The following RBKS variants were observed in gnomAD, a reference collection of about 807,000 sequenced individuals.
RBKS encodes ribokinase.
A neutral mutation model predicts 33.9 loss-of-function variants in RBKS; 33 were observed. The ratio of observed to expected loss-of-function variants is 0.97; its 90% CI spans 0.74 to 1.30. RBKS has a LOEUF of 1.30. Ranked by LOEUF, RBKS falls within the 50% of genes most tolerant of loss-of-function variation. The pLI is 0.00. For missense variants in RBKS, 361 were observed against 392.6 expected, an observed-to-expected ratio of 0.92 and a Z score of 0.68; for synonymous variants, 125 against 143.0, an observed-to-expected ratio of 0.87 and a Z score of 0.90.
Position 27,809,677 on chromosome 2 carries a change from C to T in RBKS, c.795+17890G>A, listed in dbSNP as rs150727976. On this transcript the variant is annotated intron_variant, in intron 7 of 7. Coordinates refer to ENST00000302188, the MANE Select transcript of RBKS (RefSeq NM_022128.3). ...AGGACTTAGTATCTTACAAAAGACT[C>T]GCTAAAATATTTTCTGCTAAATGTT... 575 of 313,096 alleles carry T rather than the reference C, an allele frequency of 1.8e-3. 2 individuals carry two copies. The highest frequency in any genetic ancestry group is 0.012 in the African/African-American group (531 of 45,982). 19.4% of individuals were successfully genotyped at this position (313,096 alleles called of 1,614,324 possible).
chr2:27,819,946 A>C (rs904602997), intron 7 of RBKS, among the ~76,000 whole-genome samples: 2 of 152,224 alleles, frequency 1.3e-5, no homozygotes, highest in African/African-American at 4.8e-5. Flanking sequence ...CCTCAATAGG[A>C]AGGTAATGGA....
At position 27,837,131 on chromosome 2, in the gene RBKS, G is replaced by A. The variant is rs190378666; in HGVS notation, c.515-4354C>T. On this transcript the variant is annotated intron_variant, in intron 5 of 7. Transcript: ENST00000302188. This position sits in a 1 kb window ranked among gnomAD's most constrained non-coding sequence, Gnocchi z 4.0. ...TACTAAAAATACAAAAATATTAGCC[G>A]GGCATGGTGGCAGGTGCCTGTAGTC... 0.012 allele frequency among the ~76,000 whole-genome samples: 1,873 copies of A among 152,004 alleles called. 70 individuals are homozygous for A. The highest frequency in any genetic ancestry group is 0.043 in the African/African-American group (1,770 of 41,336).
intron 1 of RBKS, chr2:27,861,670 G>GGGGGC (rs1558553256): frequency 2.3e-6 from 1 of 427,680 alleles, no homozygotes; most frequent in African/African-American, 2.1e-5. Flanking sequence ...TTTTGGGGGG[G>GGGGGC]GGGTGGAGTC....
rs186528406 is a variant in RBKS at position 27,785,692 on chromosome 2, A to T, written c.796-3904T>A. On this transcript the variant is annotated intron_variant, in intron 7 of 7. Transcript: ENST00000302188. Reference sequence around the variant, plus strand: ...GCAGAGAACTGCTTAAACCTGGGAGATGGAGGTTGCAGTGAGCCGAGATCA... The same window carrying T: ...GCAGAGAACTGCTTAAACCTGGGAGTTGGAGGTTGCAGTGAGCCGAGATCA... Among the ~76,000 whole-genome samples the T allele has an allele frequency of 5.4e-4, 82 of 151,324 alleles. No homozygotes were observed. The East Asian group carries it at 7.4e-3, about 14-fold the overall frequency.
At chr2:27,871,030 G>A in intron 1 of RBKS, 1 of 385,240 alleles carries the variant, frequency 2.6e-6, no homozygotes, top group Non-Finnish European at 5.4e-6. Flanking sequence ...TCATCAATTT[G>A]TCTAGTTATG....
Position 27,781,571 on chromosome 2 carries a change from G to A in RBKS, c.*44C>T. ...ATTAGCCAGGAGCAGCCACCCCCAAGTACATTTTATTCCCAGGTATATTTA... is the reference window on the plus strand; with the variant it reads ...ATTAGCCAGGAGCAGCCACCCCCAAATACATTTTATTCCCAGGTATATTTA... On this transcript the variant is annotated 3_prime_UTR_variant, in exon 8 of 8. Coordinates refer to ENST00000302188, the MANE Select transcript of RBKS (RefSeq NM_022128.3). 6.6e-7 allele frequency: 1 copy of A among 1,512,714 alleles called. No homozygotes were observed. The highest frequency in any genetic ancestry group is 9.0e-7 in the Non-Finnish European group (1 of 1,115,848). The allele number at this position is 1,512,714 out of a possible 1,614,324, so 93.7% of individuals were successfully genotyped here. A position where few individuals can be genotyped will look rare whatever the true frequency, so the allele number is the denominator to read the frequency against.
chr2:27,865,051 C>T (rs1973116), intron 1 of RBKS, among the ~76,000 whole-genome samples: 52,017 of 152,032 alleles, frequency 0.34, 10,463 homozygotes, highest in East Asian at 0.63. Context: ...CCGGGCGCGA[C>T]GGCTCACGCC....
chr2:27,861,672 GGT>G (rs1248816083), intron 1 of RBKS: 29 of 422,850 alleles, frequency 6.9e-5, no homozygotes, highest in South Asian at 1.4e-4. Flanking sequence ...TTGGGGGGGG[GGT>G]GGAGTCTCAC....
In RBKS at chr2:27,801,961, A is replaced by T. The variant is rs867920106; in HGVS notation, c.796-20173T>A. Among the ~76,000 whole-genome samples, 500 of 63,362 alleles carry T rather than the reference A, an allele frequency of 7.9e-3. 1 individual carries two copies. The highest frequency in any genetic ancestry group is 0.01 in the African/African-American group (159 of 15,542). The allele number at this position is 63,362 out of a possible 152,430, so 41.6% of individuals were successfully genotyped here. ...CCCGAGTAGCTGGGGAAAAAAAAAAAAAATATATATATATATATATATATA... is the reference window on the plus strand; with the variant it reads ...CCCGAGTAGCTGGGGAAAAAAAAAATAAATATATATATATATATATATATA... On this transcript the variant is annotated intron_variant, in intron 7 of 7. Transcript: ENST00000302188.
In RBKS at chr2:27,837,521, T is replaced by A. The variant is rs1474522817; in HGVS notation, c.515-4744A>T. Among the ~76,000 whole-genome samples, 1 of 152,196 alleles carries A rather than the reference T, an allele frequency of 6.6e-6. No homozygotes were observed. Among genetic ancestry groups the A allele is most frequent in the African/African-American group, 2.4e-5 (1 of 41,446 alleles). On this transcript the variant is annotated intron_variant, in intron 5 of 7. Transcript: ENST00000302188. This position sits in a 1 kb window ranked among gnomAD's most constrained non-coding sequence, Gnocchi z 4.0. ...GATCATTATACCTAAAGGAAACATG[T>A]ACTTGTATGTTCATCACCATGCTAG... is the stretch of plus-strand genomic sequence containing the variant.
In RBKS at chr2:27,789,949, G is replaced by GTGTATATA. The variant is rs1553374159; in HGVS notation, c.796-8162_796-8161insTATATACA. ...TGTATATATATATATATGTATATGT[G>GTGTATATA]TATATATATATATATATATATATGT... is the stretch of plus-strand genomic sequence containing the variant. On this transcript the variant is annotated intron_variant, in intron 7 of 7. Transcript: ENST00000302188. Among the ~76,000 whole-genome samples, 228 of 121,512 alleles carry GTGTATATA rather than the reference G, an allele frequency of 1.9e-3. 4 individuals are homozygous for GTGTATATA. Among genetic ancestry groups the GTGTATATA allele is most frequent in the African/African-American group, 7.3e-3 (222 of 30,302 alleles). 79.7% of individuals were successfully genotyped at this position (121,512 alleles called of 152,430 possible). A position where few individuals can be genotyped will look rare whatever the true frequency, so the allele number is the denominator to read the frequency against.
intron 2 of RBKS, among the ~76,000 whole-genome samples, chr2:27,849,683 C>T (rs57309923): frequency 0.079 from 11,901 of 151,296 alleles, 946 homozygotes; most frequent in African/African-American, 0.2. Flanking sequence ...GTAGCTTTGT[C>T]TGTGACTGGA....
At chr2:27,783,543 A>T (rs1342728236) in intron 7 of RBKS, among the ~76,000 whole-genome samples, 2 of 152,294 alleles carry the variant, frequency 1.3e-5, no homozygotes, top group East Asian at 3.9e-4. Flanking sequence ...TGGACAGAGC[A>T]ATACCTGCTC....
At chr2:27,825,251 C>T (rs1294676203) in intron 7 of RBKS, among the ~76,000 whole-genome samples, 2 of 152,222 alleles carry the variant, frequency 1.3e-5, no homozygotes, top group Non-Finnish European at 1.5e-5. Flanking sequence ...TTTATCCTCC[C>T]ATCTTCACAA....
chr2:27,862,146 T>C (rs1664003358), intron 1 of RBKS, among the ~76,000 whole-genome samples: 1 of 151,736 alleles, frequency 6.6e-6, no homozygotes, highest in Non-Finnish European at 1.5e-5. Flanking sequence ...GACGGGGTTT[T>C]GCCATGTTGC....
At chr2:27,882,219 T>C (rs553388834) in intron 1 of RBKS, among the ~76,000 whole-genome samples, 2 of 151,450 alleles carry the variant, frequency 1.3e-5, no homozygotes, top group South Asian at 2.1e-4. Flanking sequence ...TAAACAAATC[T>C]ACAAGAAAAA....
At chr2:27,815,051 GCA>G (rs1678060983) in intron 7 of RBKS, among the ~76,000 whole-genome samples, 1 of 152,182 alleles carries the variant, frequency 6.6e-6, no homozygotes, top group African/African-American at 2.4e-5. Flanking sequence ...AAACACACAT[GCA>G]CACACTTTTA....
intron 7 of RBKS, among the ~76,000 whole-genome samples, chr2:27,791,652 CATAT>C (rs1677527508): frequency 1.8e-5 from 1 of 55,326 alleles, no homozygotes; most frequent in African/African-American, 4.9e-5. Context: ...ACTAAATATA[CATAT>C]ACATATACAT....
At position 27,837,250 on chromosome 2, in the gene RBKS, G is replaced by A. The variant is rs1416111651; in HGVS notation, c.515-4473C>T. 6.6e-6 allele frequency among the ~76,000 whole-genome samples: 1 copy of A among 151,100 alleles called. No individual in the cohort carries two copies. Among genetic ancestry groups the A allele is most frequent in the Non-Finnish European group, 1.5e-5 (1 of 68,028 alleles). On this transcript the variant is annotated intron_variant, in intron 5 of 7. Transcript: ENST00000302188. This position sits in a 1 kb window ranked among gnomAD's most constrained non-coding sequence, Gnocchi z 4.0. ...GATCGTGCCACTGCACTCCAGCCTG[G>A]GCGATAGAGCGAGACTCCATCTCAA...
Sources: allele counts gnomAD v4.1 joint callset (sites outside exome capture counted in the v4.1 genomes callset), GRCh38; gene constraint gnomAD v4.1.1; non-coding constraint Gnocchi (gnomAD v3.1); transcripts MANE v1.5; gene names NCBI Gene and HGNC (gene_info 2026-07-23, HGNC 2026-07-21).